ABCE1: variants seen among roughly 807,000 people sequenced by gnomAD.
ABCE1 encodes ATP binding cassette subfamily E member 1, also known as ATP-binding cassette sub-family E member 1.
Under a neutral mutation model 83.4 loss-of-function variants are expected in ABCE1, and 22 were observed. The ratio of observed to expected loss-of-function variants is 0.26; its 90% CI spans 0.19 to 0.38. The LOEUF (loss-of-function observed/expected upper bound fraction) is 0.38, where lower values mean the gene tolerates loss of function less well. Ranked by LOEUF, ABCE1 falls within the 10% of genes least tolerant of loss-of-function variation. The probability of loss-of-function intolerance (pLI) is 1.00; values close to 1 mark genes in which losing one functional copy is unlikely to be tolerated. For missense variants in ABCE1, 330 were observed against 721.9 expected (o/e 0.46, Z 6.22); for synonymous variants, 204 against 233.7 (o/e 0.87, Z 1.16).
At position 145,129,426 on chromosome 4, in the gene ABCE1, C is replaced by G. The variant is rs1016842031; in HGVS notation, c.*1853C>G. 4.6e-5 allele frequency among the ~76,000 whole-genome samples: 7 copies of G among 151,748 alleles called. No homozygotes were observed. Among genetic ancestry groups the G allele is most frequent in the Non-Finnish European group, 8.8e-5 (6 of 67,940 alleles). ...CATATGTCCTAATTGGAAAAAGTCTCAAATACTTAAAAAAACAAAAAACTG... is the reference window on the plus strand; with the variant it reads ...CATATGTCCTAATTGGAAAAAGTCTGAAATACTTAAAAAAACAAAAAACTG... On this transcript the variant is annotated 3_prime_UTR_variant, in exon 18 of 18. Coordinates refer to ENST00000296577, the MANE Select transcript of ABCE1 (RefSeq NM_002940.3).
chr4:145,117,514 T>G (rs936875528), intron 10 of ABCE1, 100 bp downstream of exon 10: 5 of 1,140,782 alleles, frequency 4.4e-6, no homozygotes, highest in Non-Finnish European at 6.1e-6. Flanking sequence ...TGGTCTGATA[T>G]CATCCAAAAC....
At chr4:145,101,207 A>G (rs1478744724) in intron 1 of ABCE1, among the ~76,000 whole-genome samples, 1 of 152,168 alleles carries the variant, frequency 6.6e-6, no homozygotes, top group Non-Finnish European at 1.5e-5. Flanking sequence ...CAAAAGGCTC[A>G]CTGAGAAATA....
chr4:145,101,168 C>T (rs1749144782), intron 1 of ABCE1, among the ~76,000 whole-genome samples: 1 of 151,956 alleles, frequency 6.6e-6, no homozygotes, highest in African/African-American at 2.4e-5. Flanking sequence ...GTGTATTTTT[C>T]GGTAGTGTAT....
In ABCE1 at chr4:145,110,498, G is replaced by A. The variant is rs537991100; in HGVS notation, c.613+54G>A. ...TATATATTTATTTATTTTTTGAGAC[G>A]GAGTTTCGCTCTTGTTGCCCAGGCT... On this transcript the variant is annotated intron_variant, in intron 7 of 17. Coordinates refer to ENST00000296577, the MANE Select transcript of ABCE1 (RefSeq NM_002940.3). 15 of 1,548,482 alleles carry A rather than the reference G, an allele frequency of 9.7e-6. No individual in the cohort carries two copies. The Admixed American group carries it at 1.2e-4, about 12-fold the overall frequency.
chr4:145,123,057 G>A lies in ABCE1; in HGVS notation c.1300G>A (p.Asp434Asn). The stretch of plus-strand genomic sequence containing the variant: ...CCAGTTACTACATGAAAAGATAAGA[G>A]ATGCTTATACTCACCCACAATTTGT... ...VRQLLHEKIR[D>N]AYTHPQFVTD... Residue 434 changes from aspartate to asparagine, a missense_variant, in exon 14 of 18, where the codon GAT becomes AAT. Physicochemically the swap from Asp to Asn is conservative, Grantham distance 23 (BLOSUM62 1). Transcript: ENST00000296577. The A allele has an allele frequency of 6.3e-7, 1 of 1,599,230 alleles. No individual in the cohort carries two copies. Among genetic ancestry groups the A allele is most frequent in the Non-Finnish European group, 8.5e-7 (1 of 1,175,060 alleles).
At chr4:145,103,901 G>A (rs960460073) in intron 1 of ABCE1, among the ~76,000 whole-genome samples, 28 of 151,604 alleles carry the variant, frequency 1.8e-4, no homozygotes, top group Admixed American at 1.6e-3. Context: ...AGCTGGGACC[G>A]CAGGCGCACA....
chr4:145,124,920 C>T, intron 16 of ABCE1, 70 bp from the exon 17 acceptor site: 1 of 1,061,640 alleles, frequency 9.4e-7, no homozygotes, highest in South Asian at 1.4e-5. Context: ...TCTTAATACC[C>T]TTCCTCTCAA....
intron 5 of ABCE1, 80 bp from the exon 6 acceptor site, chr4:145,110,023 A>G: frequency 7.9e-7 from 1 of 1,265,460 alleles, no homozygotes; most frequent in Admixed American, 2.9e-5. Flanking sequence ...TGCATATATA[A>G]TCTATTTCCT....
At position 145,109,177 on chromosome 4, in the gene ABCE1, T is replaced by A. The variant is rs540418957; in HGVS notation, c.333T>A (p.Thr111=). ...GTGAAGTTTTGGGATTAGTTGGAAC[T>A]AATGGTATTGGAAAGTCAACTGCTT... ...RPGEVLGLVG[T]NGIGKSTALK... The change falls in exon 5 of 18, where the codon ACT becomes ACA. Residue 111 remains threonine (T), a synonymous_variant. Transcript: ENST00000296577. 8 of 1,613,162 alleles carry A rather than the reference T, an allele frequency of 5.0e-6. No individual in the cohort carries two copies. The East Asian group carries it at 1.8e-4, about 36-fold the overall frequency.
chr4:145,102,521 A>G (rs959156001), intron 1 of ABCE1, among the ~76,000 whole-genome samples: 1 of 152,182 alleles, frequency 6.6e-6, no homozygotes, highest in Non-Finnish European at 1.5e-5. Context: ...GCTGGTTGGC[A>G]TAAGGGTCCA....
chr4:145,115,864 G>A (rs1284785572), intron 9 of ABCE1, among the ~76,000 whole-genome samples: 1 of 151,902 alleles, frequency 6.6e-6, no homozygotes, highest in Non-Finnish European at 1.5e-5. Flanking sequence ...CACAGTGTAA[G>A]ACTAAAGATC....
At chr4:145,108,569 T>C (rs1040687753) in intron 4 of ABCE1, among the ~76,000 whole-genome samples, 1 of 152,140 alleles carries the variant, frequency 6.6e-6, no homozygotes, top group African/African-American at 2.4e-5. Context: ...AAATCCTTAG[T>C]TTGGGATTTT....
At position 145,128,159 on chromosome 4, in the gene ABCE1, A is replaced by C. The variant is rs1253244384; in HGVS notation, c.*586A>C. 6.6e-6 allele frequency: 1 copy of C among 152,614 alleles called. No homozygotes were observed. Among genetic ancestry groups the C allele is most frequent in the Non-Finnish European group, 1.5e-5 (1 of 68,016 alleles). 9.5% of individuals were successfully genotyped at this position (152,614 alleles called of 1,614,324 possible). ...AAATAGGTATTTTTAAATTGTTTTT[A>C]ATCTTTTTTGGTGCTTTTAAACATG... On this transcript the variant is annotated 3_prime_UTR_variant, in exon 18 of 18. Transcript: ENST00000296577.
rs1205006242 is a variant in ABCE1, at chr4:145,123,057, G to C, written c.1300G>C (p.Asp434His). The change falls in exon 14 of 18, where the codon GAT (aspartate) becomes CAT (histidine). Residue 434 changes from aspartate to histidine, a missense_variant. Physicochemically the swap from Asp to His is moderately conservative, Grantham distance 81. Transcript: ENST00000296577. ...CCAGTTACTACATGAAAAGATAAGA[G>C]ATGCTTATACTCACCCACAATTTGT... ...VRQLLHEKIR[D>H]AYTHPQFVTD... The C allele has an allele frequency of 6.3e-7, 1 of 1,599,230 alleles. No homozygotes were observed. The highest frequency in any genetic ancestry group is 8.5e-7 in the Non-Finnish European group (1 of 1,175,060).
At chr4:145,110,488 T>C (rs1329319842) in intron 7 of ABCE1, 44 bp downstream of exon 7, 4 of 1,577,466 alleles carry the variant, frequency 2.5e-6, no homozygotes, top group Non-Finnish European at 3.5e-6. Flanking sequence ...ATTTATTTAT[T>C]TTTTGAGACG....
At chr4:145,114,772 T>G (rs976915292) in intron 9 of ABCE1, among the ~76,000 whole-genome samples, 4 of 151,996 alleles carry the variant, frequency 2.6e-5, no homozygotes, top group South Asian at 2.1e-4. Context: ...TAAGACAGAT[T>G]GGCATGACAA....
chr4:145,123,953 A>G (rs567046878), intron 16 of ABCE1: 1 of 165,572 alleles, frequency 6.0e-6, no homozygotes, highest in African/African-American at 2.4e-5. Flanking sequence ...ACAAGATTAA[A>G]GAGGTTACAT....
intron 10 of ABCE1, among the ~76,000 whole-genome samples, chr4:145,119,689 G>C (rs1013164001): frequency 6.6e-6 from 1 of 151,874 alleles, no homozygotes; most frequent in African/African-American, 2.4e-5. Flanking sequence ...GATGGAAAAA[G>C]TAATTACAGG....
intron 1 of ABCE1, among the ~76,000 whole-genome samples, chr4:145,101,066 T>TA (rs34787215): frequency 4.0e-5 from 6 of 150,848 alleles, no homozygotes; most frequent in Admixed American, 1.3e-4. Context: ...CAGATATATA[T>TA]AAAAAAAATA....
Sources: allele counts gnomAD v4.1 joint callset (sites outside exome capture counted in the v4.1 genomes callset), GRCh38; gene constraint gnomAD v4.1.1; transcripts MANE v1.5; gene names NCBI Gene and HGNC (gene_info 2026-07-23, HGNC 2026-07-21).